The following ETFB variants were observed in gnomAD, a reference collection of about 807,000 sequenced individuals.
ETFB encodes the protein electron transfer flavoprotein subunit beta.
In ETFB, 20 loss-of-function variants were observed where a neutral mutation model predicts 25.6. That is an observed-to-expected ratio of 0.78 (90% CI 0.55 to 1.14). The LOEUF is 1.14. Ranked by LOEUF, ETFB falls within the 50% of genes most tolerant of loss-of-function variation. The pLI is 0.00. For synonymous variants in ETFB, 142 were observed against 146.7 expected (o/e 0.97, Z 0.23); for missense variants, 286 against 342.6 (o/e 0.83, Z 1.30).
chr19:51,354,179 C>T lies in ETFB; in HGVS notation c.187G>A (p.Ala63Thr), dbSNP rs142966954. The T allele has an allele frequency of 9.3e-6, 15 of 1,614,028 alleles. No individual in the cohort carries two copies. Among genetic ancestry groups the T allele is most frequent in the African/African-American group, 4.0e-5 (3 of 74,912 alleles). Residue 63 changes from alanine (A) to threonine (T), a missense_variant, in exon 2 of 6, where the codon GCC becomes ACC. Ala to Thr is a moderately conservative substitution (Grantham distance 58). Coordinates refer to ENST00000309244, the MANE Select transcript of ETFB (RefSeq NM_001985.3). ...CACTGTGCAGGCCCACAGCTGACGG[C>T]GATGACCTCCTTCACCAGCTTCTTC... ...KEKKLVKEVI[A>T]VSCGPAQCQE...
intron 1 of ETFB, among the ~76,000 whole-genome samples, chr19:51,362,361 T>C (rs1212491040): frequency 1.3e-5 from 2 of 152,054 alleles, no homozygotes; most frequent in Non-Finnish European, 2.9e-5. Context: ...GTGGATTACC[T>C]GAGGTCAGGA....
At chr19:51,348,488 T>G (rs1239392512) in intron 4 of ETFB, 2 of 152,284 alleles carry the variant, frequency 1.3e-5, no homozygotes, top group East Asian at 3.9e-4. Flanking sequence ...TTCATGGATG[T>G]AACACATATC....
At chr19:51,365,750 A>G (rs1356595964) in intron 1 of ETFB, among the ~76,000 whole-genome samples, 2 of 152,204 alleles carry the variant, frequency 1.3e-5, no homozygotes, top group African/African-American at 4.8e-5. Flanking sequence ...CTCCCTAGCT[A>G]GAGCCTCCTG....
intron 3 of ETFB, among the ~76,000 whole-genome samples, chr19:51,351,527 G>A (rs1985933180): frequency 6.6e-6 from 1 of 152,204 alleles, no homozygotes; most frequent in African/African-American, 2.4e-5. Context: ...ACTGTCCCTG[G>A]CCCAGGACAG....
In ETFB at chr19:51,366,297, G is replaced by C. The variant is rs1194446217; in HGVS notation, c.30C>G (p.Val10=). 6.2e-7 allele frequency: 1 copy of C among 1,613,806 alleles called. No individual in the cohort carries two copies. Among genetic ancestry groups the C allele is most frequent in the Admixed American group, 1.7e-5 (1 of 60,028 alleles). Residue 10 remains valine (V), a synonymous_variant, in exon 1 of 6, where the codon GTC becomes GTG. Transcript: ENST00000309244. ...TCACGGCGTAGTCGATGACCCTCTT[G>C]ACAGCTACGAGCACGCGCAGCTCCG... is the stretch of plus-strand genomic sequence containing the variant. MAELRVLVA[V]KRVIDYAVKI... is the part of the protein sequence containing the mutation.
At position 51,366,356 on chromosome 19, in the gene ETFB, C is replaced by T; in HGVS notation, c.-30G>A. On this transcript the variant is annotated 5_prime_UTR_variant, in exon 1 of 6. Coordinates refer to ENST00000309244, the MANE Select transcript of ETFB (RefSeq NM_001985.3). Reference sequence around the variant, plus strand: ...CCGCCGCAGCCACTTACAGGGTCAGCCCGCACCCTCAGCGGCTCAGTCCAG... The same window carrying T: ...CCGCCGCAGCCACTTACAGGGTCAGTCCGCACCCTCAGCGGCTCAGTCCAG... 4.3e-6 allele frequency: 7 copies of T among 1,609,306 alleles called. No homozygotes were observed. Among genetic ancestry groups the T allele is most frequent in the Non-Finnish European group, 5.9e-6 (7 of 1,178,348 alleles).
At chr19:51,350,130 T>C in intron 4 of ETFB, 199 bp downstream of exon 4, 1 of 583,010 alleles carries the variant, frequency 1.7e-6, no homozygotes, top group Non-Finnish European at 3.1e-6. Flanking sequence ...GTATTTCACG[T>C]AGGATGGCAA....
intron 1 of ETFB, among the ~76,000 whole-genome samples, chr19:51,362,178 C>T (rs533925465): frequency 8.4e-5 from 12 of 143,416 alleles, no homozygotes; most frequent in East Asian, 1.9e-4. Flanking sequence ...CACACACACA[C>T]ACACACACAC....
At chr19:51,358,841 A>G (rs1245160602) in intron 1 of ETFB, among the ~76,000 whole-genome samples, 9 of 150,820 alleles carry the variant, frequency 6.0e-5, no homozygotes, top group African/African-American at 2.2e-4. Flanking sequence ...CAAAAAAAAA[A>G]AAAAAAAAAC....
At chr19:51,356,443 A>G (rs943031547) in intron 1 of ETFB, 2 of 152,192 alleles carry the variant, frequency 1.3e-5, no homozygotes, top group African/African-American at 4.8e-5. Flanking sequence ...CCTGGATGTC[A>G]TGATCACACA....
At chr19:51,364,147 C>T (rs1246231380) in intron 1 of ETFB, among the ~76,000 whole-genome samples, 2 of 151,620 alleles carry the variant, frequency 1.3e-5, no homozygotes, top group African/African-American at 2.4e-5. Context: ...AGGGAGGACC[C>T]GGGTGAGGGT....
chr19:51,347,195 GT>G, intron 4 of ETFB, 137 bp from the exon 5 acceptor site: 1 of 858,758 alleles, frequency 1.2e-6, no homozygotes, highest in Non-Finnish European at 1.9e-6. Flanking sequence ...GTCCCATGAG[GT>G]TTAGAATCGA....
At chr19:51,362,989 G>A (rs899781621) in intron 1 of ETFB, among the ~76,000 whole-genome samples, 1 of 152,146 alleles carries the variant, frequency 6.6e-6, no homozygotes, top group African/African-American at 2.4e-5. Context: ...CTCCTTCATG[G>A]AGAATGTGAG....
At chr19:51,361,231 C>T (rs1311487245) in intron 1 of ETFB, among the ~76,000 whole-genome samples, 1 of 152,074 alleles carries the variant, frequency 6.6e-6, no homozygotes, top group Non-Finnish European at 1.5e-5. Context: ...ACGCCCGGCC[C>T]AAGAGGGATT....
chr19:51,354,097 C>G, intron 2 of ETFB, 53 bp downstream of exon 2: 1 of 1,588,896 alleles, frequency 6.3e-7, no homozygotes, highest in South Asian at 1.1e-5. Flanking sequence ...CAGGTCCCAG[C>G]CCCTCCTCCG....
At chr19:51,353,541 T>G (rs1348109801) in intron 2 of ETFB, among the ~76,000 whole-genome samples, 1 of 22 alleles carries the variant, frequency 0.045, no homozygotes, top group Non-Finnish European at 0.12. Flanking sequence ...CGGGCCCCCA[T>G]CCCCTCCTTC....
intron 4 of ETFB, chr19:51,347,533 C>T (rs140198040): frequency 2.2e-4 from 43 of 197,314 alleles, no homozygotes; most frequent in African/African-American, 8.8e-4. Context: ...GAGGCCCCTC[C>T]GCTGGGCAGA....
intron 1 of ETFB, among the ~76,000 whole-genome samples, chr19:51,359,593 A>ACACG (rs984886182): frequency 6.6e-6 from 1 of 152,066 alleles, no homozygotes; most frequent in African/African-American, 2.4e-5. Context: ...ACACACACAC[A>ACACG]CACGCACGCA....
rs369216610 is a variant in ETFB, at chr19:51,354,304, C to G, written c.62G>C (p.Arg21Pro). 11 of 1,614,120 alleles carry G rather than the reference C, an allele frequency of 6.8e-6. No individual in the cohort carries two copies. The highest frequency in any genetic ancestry group is 3.3e-5 in the Admixed American group (2 of 60,024). Residue 21 changes from arginine to proline, a missense_variant, in exon 2 of 6, where the codon CGA becomes CCA. Coordinates refer to ENST00000309244, the MANE Select transcript of ETFB (RefSeq NM_001985.3). The part of the protein sequence containing the change: ...KRVIDYAVKI[R>P]VKPDRTGVVT... ...CACACCGGTCCTGTCAGGCTTCACT[C>G]GGATCTGCCCAGCAGGAGGGGAAGG...
Sources: allele counts gnomAD v4.1 joint callset (sites outside exome capture counted in the v4.1 genomes callset), GRCh38; gene constraint gnomAD v4.1.1; transcripts MANE v1.5; gene names NCBI Gene and HGNC (gene_info 2026-07-23, HGNC 2026-07-21).